INSL6: variants seen among roughly 807,000 people sequenced by gnomAD.
The protein encoded by INSL6 is insulin like 6, also known as insulin-like peptide INSL6.
INSL6 carries 16 observed loss-of-function variants against 9.4 expected under a neutral mutation model. That is an observed-to-expected ratio of 1.70 (90% CI 1.15 to 2.59). The LOEUF is 2.59. INSL6 is among the 30% of genes most tolerant of loss of function. The pLI is 0.00. For synonymous variants in INSL6, 154 were observed against 96.9 expected (o/e 1.59, Z -3.46); for missense variants, 391 against 257.3 (o/e 1.52, Z -3.56).
At chr9:5,017,609 G>C in the INSL6 span, among the ~76,000 whole-genome samples, 4 of 152,010 alleles carry the variant, frequency 2.6e-5, no homozygotes, top group African/African-American at 7.3e-5. Context: ...TTTGATGTAG[G>C]TATTTATTGC....
At chr9:5,056,127 A>T in the INSL6 span, among the ~76,000 whole-genome samples, 1 of 152,138 alleles carries the variant, frequency 6.6e-6, no homozygotes, top group East Asian at 1.9e-4. Context: ...ATCAACAGGG[A>T]TGTATATGTG....
the INSL6 span, among the ~76,000 whole-genome samples, chr9:5,013,199 C>CTTATATCT: frequency 6.6e-6 from 1 of 151,890 alleles, no homozygotes; most frequent in African/African-American, 2.4e-5. Context: ...TTTCTAATAA[C>CTTATATCT]TTATATCTTC....
the INSL6 span, among the ~76,000 whole-genome samples, chr9:5,087,137 G>A: frequency 2.0e-5 from 3 of 152,220 alleles, no homozygotes; most frequent in East Asian, 1.9e-4. Context: ...CTGTTCTCAC[G>A]CTGCAAATAA....
chr9:5,053,800 G>A, the INSL6 span, among the ~76,000 whole-genome samples: 1 of 151,942 alleles, frequency 6.6e-6, no homozygotes, highest in African/African-American at 2.4e-5. Context: ...ATATGCCACA[G>A]AATGAGGTCC....
the INSL6 span, chr9:5,054,613 A>T: frequency 6.2e-7 from 1 of 1,612,388 alleles, no homozygotes; most frequent in South Asian, 1.1e-5. This position sits in a 1 kb window ranked among gnomAD's most constrained non-coding sequence, Gnocchi z 4.9. Flanking sequence ...CAAGACTATC[A>T]TATTTTGACA....
chr9:5,080,252 G>T, the INSL6 span: 1 of 1,612,530 alleles, frequency 6.2e-7, no homozygotes. Context: ...AATACCATGG[G>T]TACCACCTGA....
At chr9:5,112,358 G>A in the INSL6 span, 1 of 380,942 alleles carries the variant, frequency 2.6e-6, no homozygotes, top group East Asian at 5.9e-5. Flanking sequence ...CTCCTGCAGT[G>A]GGCTAGGGCG....
chr9:5,164,105 T>C lies in INSL6; in HGVS notation c.450A>G (p.Lys150=). The C allele has an allele frequency of 6.2e-7, 1 of 1,612,764 alleles. No individual in the cohort carries two copies. Among genetic ancestry groups the C allele is most frequent in the Non-Finnish European group, 8.5e-7 (1 of 1,179,674 alleles). Residue 150 remains lysine (K), a synonymous_variant, in exon 2 of 2, where the codon AAA becomes AAG. Coordinates refer to ENST00000381641, the MANE Select transcript of INSL6 (RefSeq NM_007179.3). ...YIHENAKFQK[K]RRNKIKTLSN... is the part of the protein sequence containing the mutation. ...TTAAGGTTTTAATTTTGTTTCTACG[T>C]TTCTTCTGAAATTTTGCATTCTCAT...
intron 1 of INSL6, among the ~76,000 whole-genome samples, chr9:5,179,808 A>C (rs1825404879): frequency 6.6e-6 from 1 of 152,220 alleles, no homozygotes; most frequent in South Asian, 2.1e-4. Flanking sequence ...ACACATGGAC[A>C]CATGCAGGGG....
intron 3 of INSL6, among the ~76,000 whole-genome samples, chr9:5,130,302 A>C (rs1824243235): frequency 6.6e-6 from 1 of 152,152 alleles, no homozygotes; most frequent in South Asian, 2.1e-4. Context: ...AAGCACTCAT[A>C]TACATGCTAT....
At chr9:5,042,477 C>G in the INSL6 span, among the ~76,000 whole-genome samples, 1 of 152,208 alleles carries the variant, frequency 6.6e-6, no homozygotes, top group East Asian at 1.9e-4. Context: ...TAGTCCTCCC[C>G]TCCAAGAGCA....
At chr9:5,071,981 A>G in the INSL6 span, among the ~76,000 whole-genome samples, 1 of 152,218 alleles carries the variant, frequency 6.6e-6, no homozygotes, top group East Asian at 1.9e-4. Context: ...TTATGTATTT[A>G]TTCACTTATT....
At chr9:5,036,029 A>G in the INSL6 span, among the ~76,000 whole-genome samples, 1 of 152,260 alleles carries the variant, frequency 6.6e-6, no homozygotes, top group Non-Finnish European at 1.5e-5. Context: ...CAACTTCAGC[A>G]AAGTCTCAGC....
At chr9:5,110,999 T>C in the INSL6 span, 3 of 689,334 alleles carry the variant, frequency 4.4e-6, no homozygotes, top group Non-Finnish European at 7.6e-6. Flanking sequence ...CCGCTGCCCG[T>C]TGCCAACGGG....
At chr9:5,126,816 C>A in intron 3 of INSL6, 1 of 1,418,364 alleles carries the variant, frequency 7.1e-7, no homozygotes. Flanking sequence ...ATTCTGAGAC[C>A]AAAGTAGATT....
At chr9:5,102,508 C>T in the INSL6 span, among the ~76,000 whole-genome samples, 1 of 152,274 alleles carries the variant, frequency 6.6e-6, no homozygotes, top group East Asian at 1.9e-4. Context: ...CCTACCAAGG[C>T]AGGCCAACAT....
intron 3 of INSL6, chr9:5,132,129 T>G (rs376484544): frequency 6.6e-6 from 1 of 152,204 alleles, no homozygotes; most frequent in African/African-American, 2.4e-5. Flanking sequence ...TTGAAAAATG[T>G]TGAAGTTGAA....
chr9:5,111,241 T>C, the INSL6 span: 1 of 552,024 alleles, frequency 1.8e-6, no homozygotes, highest in South Asian at 1.6e-5. Context: ...TATTCCTCCT[T>C]TGGTAGAGAC....
At chr9:5,174,378 T>C (rs1435975674) in intron 1 of INSL6, among the ~76,000 whole-genome samples, 1 of 152,210 alleles carries the variant, frequency 6.6e-6, no homozygotes, top group East Asian at 1.9e-4. Flanking sequence ...CCAAAACTTC[T>C]CTTATGAAGG....
Sources: gnomAD v4.1 joint callset for allele counts (sites outside exome capture counted in the v4.1 genomes callset) on GRCh38, gnomAD v4.1.1 for gene constraint, Gnocchi (gnomAD v3.1) non-coding constraint, MANE v1.5 for transcripts, NCBI Gene and HGNC (gene_info 2026-07-23, HGNC 2026-07-21) for gene names.